USP3: variants seen among roughly 807,000 people sequenced by gnomAD.
The protein encoded by USP3 is ubiquitin specific peptidase 3.
Under a neutral mutation model 72.3 loss-of-function variants are expected in USP3, and 20 were observed. The ratio of observed to expected loss-of-function variants is 0.28; its 90% CI spans 0.19 to 0.40. The LOEUF (loss-of-function observed/expected upper bound fraction) is 0.40, where lower values mean the gene tolerates loss of function less well. Among genes scored for constraint, USP3 ranks in the 10% least tolerant of loss-of-function variants. USP3 has a pLI of 1.00. For missense variants in USP3, 479 were observed against 633.9 expected (o/e 0.76, Z 2.62); for synonymous variants, 222 against 225.3 (o/e 0.99, Z 0.13).
Position 63,533,712 on chromosome 15 carries a change from T to G in USP3, c.152+1005T>G, listed in dbSNP as rs1209279354. On this transcript the variant is annotated intron_variant, in intron 2 of 14. Coordinates refer to ENST00000380324, the MANE Select transcript of USP3 (RefSeq NM_006537.4). ...TTTTTCACATTTTGAGTCCTGGAATTGAGTATTTTTTCCATGTGCACTTAA... is the reference window on the plus strand; with the variant it reads ...TTTTTCACATTTTGAGTCCTGGAATGGAGTATTTTTTCCATGTGCACTTAA... 8 of 417,056 alleles carry G rather than the reference T, an allele frequency of 1.9e-5. No individual in the cohort carries two copies. In the East Asian group the frequency reaches 7.0e-4, roughly 37 times the overall value. The allele number at this position is 417,056 out of a possible 1,614,324, so 25.8% of individuals were successfully genotyped here. A position where few individuals can be genotyped will look rare whatever the true frequency, so the allele number is the denominator to read the frequency against.
chr15:63,505,372 G>T (rs750011804), intron 1 of USP3, among the ~76,000 whole-genome samples: 2 of 152,194 alleles, frequency 1.3e-5, no homozygotes, highest in South Asian at 4.1e-4. Context: ...TTCTCCGCAG[G>T]CTCGGGCACC....
At chr15:63,511,953 CTTTTTTTTTT>C (rs58146448) in intron 1 of USP3, among the ~76,000 whole-genome samples, 2 of 112,274 alleles carry the variant, frequency 1.8e-5, no homozygotes, top group African/African-American at 6.7e-5. Context: ...AACTGCAGAT[CTTTTTTTTTT>C]TTTTTTTTTT....
rs141286251 is a variant in USP3, at chr15:63,588,890, G to C, written c.1330-54G>C. ...ATTGTCATCACATGGAGAGGGTAGA[G>C]GTCATCGAGATACTGATGTCATTGA... On this transcript the variant is annotated intron_variant, in intron 13 of 14. Coordinates refer to ENST00000380324, the MANE Select transcript of USP3 (RefSeq NM_006537.4). The surrounding 1 kb of genome is among the most constrained non-coding windows in gnomAD (Gnocchi z 4.6). 6.6e-5 allele frequency: 106 copies of C among 1,611,574 alleles called. No homozygotes were observed. The East Asian group carries it at 2.3e-3, about 35-fold the overall frequency.
rs1225906612 is a variant in USP3, at chr15:63,592,535, AC to A, written c.*1711del. 4 of 150,468 alleles carry A rather than the reference AC, an allele frequency of 2.7e-5. No individual in the cohort carries two copies. The highest frequency in any genetic ancestry group is 2.0e-4 in the Admixed American group (3 of 15,108). 9.3% of individuals were successfully genotyped at this position (150,468 alleles called of 1,614,324 possible). On this transcript the variant is annotated 3_prime_UTR_variant, in exon 15 of 15. Transcript: ENST00000380324. ...ATGATCACAGCTCACTGTAGCCTCA[AC>A]CTCCCAGGCTCAAGCGATCCTCCCA...
At chr15:63,539,690 G>A (rs542924380) in intron 3 of USP3, among the ~76,000 whole-genome samples, 6 of 152,274 alleles carry the variant, frequency 3.9e-5, no homozygotes, top group Admixed American at 6.5e-5. Context: ...CTTCTTGGCC[G>A]ATTGCCAGGC....
chr15:63,539,362 C>A (rs533612334), intron 3 of USP3, among the ~76,000 whole-genome samples: 22 of 152,258 alleles, frequency 1.4e-4, no homozygotes, highest in African/African-American at 5.1e-4. Context: ...TTTGGAAATA[C>A]AATTAAATCG....
At chr15:63,550,195 T>G (rs572889866) in intron 3 of USP3, among the ~76,000 whole-genome samples, 2 of 152,306 alleles carry the variant, frequency 1.3e-5, no homozygotes, top group Admixed American at 6.5e-5. Flanking sequence ...AATTTTTGTA[T>G]TTTTAGAAGA....
At chr15:63,566,981 T>C (rs2152676245) in intron 8 of USP3, among the ~76,000 whole-genome samples, 1 of 152,370 alleles carries the variant, frequency 6.6e-6, no homozygotes, top group Non-Finnish European at 1.5e-5. Context: ...GTATTTTAGA[T>C]TATACATATG....
chr15:63,581,340 GGTTTTTGTGTGTGTGT>G (rs1455005053), intron 11 of USP3, among the ~76,000 whole-genome samples: 89 of 124,242 alleles, frequency 7.2e-4, no homozygotes, highest in African/African-American at 2.7e-3. Context: ...TGTTTGTGTT[GGTTTTTGTGTGTGTGT>G]GTGTGTGTGT....
In USP3 at chr15:63,591,876, A is replaced by G. The variant is rs1202954009; in HGVS notation, c.*1050A>G. Reference sequence around the variant, plus strand: ...CTATCCTGATTGATAGGACAAGTTGAAAATACTGTTGGAGTAAGTAAGTGG... The same window carrying G: ...CTATCCTGATTGATAGGACAAGTTGGAAATACTGTTGGAGTAAGTAAGTGG... On this transcript the variant is annotated 3_prime_UTR_variant, in exon 15 of 15. Coordinates refer to ENST00000380324, the MANE Select transcript of USP3 (RefSeq NM_006537.4). 2 of 152,078 alleles carry G rather than the reference A, an allele frequency of 1.3e-5. No homozygotes were observed. Among genetic ancestry groups the G allele is most frequent in the African/African-American group, 4.8e-5 (2 of 41,350 alleles). 9.4% of individuals were successfully genotyped at this position (152,078 alleles called of 1,614,324 possible).
intron 1 of USP3, among the ~76,000 whole-genome samples, chr15:63,532,259 A>G (rs564532490): frequency 7.9e-5 from 12 of 152,370 alleles, no homozygotes; most frequent in East Asian, 5.8e-4. Flanking sequence ...GTAGTGGTCT[A>G]TGACCTACAT....
At chr15:63,565,631 AGT>A (rs200245468) in intron 8 of USP3, among the ~76,000 whole-genome samples, 1 of 151,958 alleles carries the variant, frequency 6.6e-6, no homozygotes, top group Non-Finnish European at 1.5e-5. Flanking sequence ...TATACAGACA[AGT>A]GTGTGTGTGT....
chr15:63,536,907 TTGAC>T (rs1357102601), intron 2 of USP3, 114 bp from the exon 3 acceptor site: 12 of 1,091,122 alleles, frequency 1.1e-5, no homozygotes, highest in Non-Finnish European at 1.6e-5. Context: ...CACTACATGA[TTGAC>T]TGCTGTTATA....
chr15:63,557,262 GT>G (rs886503618), intron 5 of USP3, among the ~76,000 whole-genome samples: 1 of 149,978 alleles, frequency 6.7e-6, no homozygotes, highest in African/African-American at 2.5e-5. Context: ...TTTTGTTTTT[GT>G]TTTTGTTTTT....
rs980002332 is a variant in USP3 at position 63,592,669 on chromosome 15, C to G, written c.*1843C>G. ...CAGGCTGGTCTTGCACTCCTGGGCT[C>G]AAGTGATCCACCCACCTTGGCTTCC... On this transcript the variant is annotated 3_prime_UTR_variant, in exon 15 of 15. Coordinates refer to ENST00000380324, the MANE Select transcript of USP3 (RefSeq NM_006537.4). 1 of 151,718 alleles carries G rather than the reference C, an allele frequency of 6.6e-6. No homozygotes were observed. The highest frequency in any genetic ancestry group is 2.4e-5 in the African/African-American group (1 of 41,286). The allele number at this position is 151,718 out of a possible 1,614,324, so 9.4% of individuals were successfully genotyped here. A position where few individuals can be genotyped will look rare whatever the true frequency, so the allele number is the denominator to read the frequency against.
intron 3 of USP3, among the ~76,000 whole-genome samples, chr15:63,539,824 A>T (rs1048529027): frequency 6.6e-6 from 1 of 152,226 alleles, no homozygotes; most frequent in African/African-American, 2.4e-5. Context: ...ATGCTAGGGA[A>T]TCACCCCGTA....
intron 11 of USP3, among the ~76,000 whole-genome samples, chr15:63,579,662 G>GA (rs1363945551): frequency 6.6e-6 from 1 of 152,132 alleles, no homozygotes; most frequent in African/African-American, 2.4e-5. Flanking sequence ...TTCTAAGCCA[G>GA]AACCTATAAT....
intron 9 of USP3, among the ~76,000 whole-genome samples, chr15:63,572,271 CTA>C (rs1446952966): frequency 6.6e-6 from 1 of 152,086 alleles, no homozygotes; most frequent in Non-Finnish European, 1.5e-5. Flanking sequence ...TACATTGAGT[CTA>C]AATGTAATTC....
At chr15:63,558,048 T>G (rs1168630630) in intron 5 of USP3, 58 bp from the exon 6 acceptor site, 20 of 1,587,472 alleles carry the variant, frequency 1.3e-5, no homozygotes, top group Non-Finnish European at 1.6e-5. Context: ...GCTTTGATGT[T>G]TGAAACAGTT....
Sources: gnomAD v4.1 joint callset for allele counts (sites outside exome capture counted in the v4.1 genomes callset) on GRCh38, gnomAD v4.1.1 for gene constraint, Gnocchi (gnomAD v3.1) non-coding constraint, MANE v1.5 for transcripts, NCBI Gene and HGNC (gene_info 2026-07-23, HGNC 2026-07-21) for gene names.